PTPRN2: variants seen among roughly 807,000 people sequenced by gnomAD.
PTPRN2 encodes receptor-type tyrosine-protein phosphatase N2.
In PTPRN2, 74 loss-of-function variants were observed where a neutral mutation model predicts 118.8. The observed-to-expected ratio is 0.62, with a 90% CI of 0.52 to 0.76. PTPRN2 has a LOEUF of 0.76. PTPRN2 is among the 30% of genes least tolerant of loss of function. The pLI is 0.00. For missense variants in PTPRN2, 1,481 were observed against 1,394.4 expected (o/e 1.06, Z -0.99); for synonymous variants, 641 against 608.0 (o/e 1.05, Z -0.80).
At chr7:158,378,056 G>T (rs573660622) in intron 2 of PTPRN2, among the ~76,000 whole-genome samples, 50 of 152,314 alleles carry the variant, frequency 3.3e-4, no homozygotes, top group Non-Finnish European at 6.3e-4. Context: ...GTGTGACACG[G>T]CAGGTCCTGG....
chr7:158,340,742 C>A (rs1327709668), intron 2 of PTPRN2, among the ~76,000 whole-genome samples: 1 of 84,734 alleles, frequency 1.2e-5, no homozygotes, highest in African/African-American at 4.5e-5. Context: ...AGAGGTGACA[C>A]ATGCAGACGT....
At chr7:157,588,032 G>T (rs1339382141) in intron 17 of PTPRN2, among the ~76,000 whole-genome samples, 2 of 151,742 alleles carry the variant, frequency 1.3e-5, no homozygotes, top group Admixed American at 1.3e-4. Flanking sequence ...CCGTGCCTGG[G>T]CTCCCGTGGT....
At chr7:157,913,545 A>T (rs906400520) in intron 11 of PTPRN2, among the ~76,000 whole-genome samples, 1 of 152,228 alleles carries the variant, frequency 6.6e-6, no homozygotes, top group African/African-American at 2.4e-5. Flanking sequence ...GGTCTTTAAA[A>T]AATCAAAATA....
rs191795346 is a variant in PTPRN2, at chr7:158,200,860, T to C, written c.380+4311A>G. Among the ~76,000 whole-genome samples the C allele has an allele frequency of 3.2e-3, 483 of 152,324 alleles. 2 individuals are homozygous for C. The highest frequency in any genetic ancestry group is 5.5e-3 in the Non-Finnish European group (375 of 68,024). ...AATTTAGAACAAAAGCAAGTGAGAATTCATCAGTTATAGAATGATGTTAAA... is the reference window on the plus strand; with the variant it reads ...AATTTAGAACAAAAGCAAGTGAGAACTCATCAGTTATAGAATGATGTTAAA... On this transcript the variant is annotated intron_variant, in intron 4 of 22. Transcript: ENST00000389418.
chr7:158,400,528 A>G (rs1356962711), intron 2 of PTPRN2, among the ~76,000 whole-genome samples: 1 of 152,190 alleles, frequency 6.6e-6, no homozygotes, highest in Non-Finnish European at 1.5e-5. Context: ...AGCCATCCTG[A>G]CATCATTATG....
At chr7:158,048,797 C>G (rs1163893319) in intron 11 of PTPRN2, among the ~76,000 whole-genome samples, 1 of 91,310 alleles carries the variant, frequency 1.1e-5, no homozygotes, top group Non-Finnish European at 2.5e-5. Flanking sequence ...CCACCACTAC[C>G]ATCACCACCA....
At chr7:158,205,294 A>C (rs762235386) in intron 3 of PTPRN2, 21 bp from the exon 4 acceptor site, 1 of 1,574,124 alleles carries the variant, frequency 6.4e-7, no homozygotes, top group South Asian at 1.1e-5. Context: ...AAATTGCAAA[A>C]ATTATGTCAT....
intron 11 of PTPRN2, among the ~76,000 whole-genome samples, chr7:158,076,621 G>A (rs1812380487): frequency 6.6e-6 from 1 of 152,212 alleles, no homozygotes; most frequent in Non-Finnish European, 1.5e-5. Flanking sequence ...CACCTTGCCA[G>A]CCTCTTACTG....
At chr7:157,544,514 G>A (rs1435400239) in intron 22 of PTPRN2, among the ~76,000 whole-genome samples, 1 of 152,216 alleles carries the variant, frequency 6.6e-6, no homozygotes, top group Non-Finnish European at 1.5e-5. Flanking sequence ...CGGGCAGCAC[G>A]TGGACATGCG....
At chr7:157,806,967 G>A (rs895522255) in intron 12 of PTPRN2, among the ~76,000 whole-genome samples, 9 of 152,236 alleles carry the variant, frequency 5.9e-5, no homozygotes, top group Admixed American at 2.0e-4. Context: ...CAGCTCCTCT[G>A]TTCCAGGGAG....
In PTPRN2 at chr7:157,986,136, A is replaced by G. The variant is rs1372006179; in HGVS notation, c.1724-87399T>C. Among the ~76,000 whole-genome samples, 1 of 152,204 alleles carries G rather than the reference A, an allele frequency of 6.6e-6. No individual in the cohort carries two copies. The highest frequency in any genetic ancestry group is 1.5e-5 in the Non-Finnish European group (1 of 68,038). ...CTCTGGTGCTCAGTGAGGCAATAGC[A>G]TGAGATAGATACCCTCATCTACAGC... On this transcript the variant is annotated intron_variant, in intron 11 of 22. Coordinates refer to ENST00000389418, the MANE Select transcript of PTPRN2 (RefSeq NM_002847.5). This position sits in a 1 kb window ranked among gnomAD's most constrained non-coding sequence, Gnocchi z 4.5.
At chr7:157,930,899 G>A (rs985517649) in intron 11 of PTPRN2, among the ~76,000 whole-genome samples, 19 of 151,348 alleles carry the variant, frequency 1.3e-4, no homozygotes, top group African/African-American at 3.2e-4. Flanking sequence ...ATTTTTTTTC[G>A]TTTTTTTTTG....
rs563235309 is a variant in PTPRN2, at chr7:157,765,147, CAT to C, written c.1789-82212_1789-82211del. Among the ~76,000 whole-genome samples, 114 of 151,746 alleles carry C rather than the reference CAT, an allele frequency of 7.5e-4. 1 individual carries two copies. Among genetic ancestry groups the C allele is most frequent in the African/African-American group, 2.7e-3 (110 of 41,366 alleles). On this transcript the variant is annotated intron_variant, in intron 12 of 22. Transcript: ENST00000389418. ...ACTCACTCCCCATCCATCCTTCATC[CAT>C]CCATCCATCCTTCTTTTATCCATCC...
chr7:158,486,985 C>T (rs1239402394), intron 2 of PTPRN2, among the ~76,000 whole-genome samples: 1 of 152,236 alleles, frequency 6.6e-6, no homozygotes. Context: ...TCTCTATGAA[C>T]TTGACTATCT....
intron 12 of PTPRN2, among the ~76,000 whole-genome samples, chr7:157,867,996 A>T (rs1810818599): frequency 6.6e-6 from 1 of 152,184 alleles, no homozygotes; most frequent in Admixed American, 6.5e-5. Flanking sequence ...TCTGGACAGC[A>T]GGCCTCCTGA....
chr7:158,333,902 G>A (rs878966081), intron 2 of PTPRN2, among the ~76,000 whole-genome samples: 4 of 132,992 alleles, frequency 3.0e-5, no homozygotes, highest in African/African-American at 8.8e-5. Flanking sequence ...GCTGACACCC[G>A]CAGACGTCAC....
At chr7:158,219,919 C>T (rs559247757) in intron 3 of PTPRN2, among the ~76,000 whole-genome samples, 1 of 151,412 alleles carries the variant, frequency 6.6e-6, no homozygotes, top group South Asian at 2.1e-4. Context: ...CGGAACCAGA[C>T]AAATTCACAG....
chr7:158,476,102 T>G (rs1820238045), intron 2 of PTPRN2, among the ~76,000 whole-genome samples: 1 of 152,202 alleles, frequency 6.6e-6, no homozygotes, highest in Non-Finnish European at 1.5e-5. Flanking sequence ...CTTCCTGGGC[T>G]CAAGTGATCC....
intron 9 of PTPRN2, among the ~76,000 whole-genome samples, chr7:158,116,057 G>A (rs143279443): frequency 7.9e-5 from 12 of 152,198 alleles, no homozygotes; most frequent in Admixed American, 4.6e-4. Flanking sequence ...TCACCCACGT[G>A]GGGTAGGCTT....
Sources: allele counts gnomAD v4.1 joint callset (sites outside exome capture counted in the v4.1 genomes callset), GRCh38; gene constraint gnomAD v4.1.1; non-coding constraint Gnocchi (gnomAD v3.1); transcripts MANE v1.5; gene names NCBI Gene and HGNC (gene_info 2026-07-23, HGNC 2026-07-21).